Variants in LIG1 observed in about 807,000 individuals in gnomAD.
The protein encoded by LIG1 is ligase I, DNA, ATP-dependent.
Under a neutral mutation model 115.7 loss-of-function variants are expected in LIG1, and 70 were observed. The ratio of observed to expected loss-of-function variants is 0.60; its 90% CI spans 0.50 to 0.74. The LOEUF is 0.74. Among genes scored for constraint, LIG1 ranks in the 30% least tolerant of loss-of-function variants. LIG1 has a pLI of 0.00. For synonymous variants in LIG1, 487 were observed against 495.3 expected (o/e 0.98, Z 0.22); for missense variants, 1,115 against 1,225.6 (o/e 0.91, Z 1.35).
intron 1 of LIG1, among the ~76,000 whole-genome samples, chr19:48,168,260 C>T (rs2036583812): frequency 6.6e-6 from 1 of 152,180 alleles, no homozygotes; most frequent in African/African-American, 2.4e-5. Context: ...TGATCACATT[C>T]TCAAATACCC....
At chr19:48,150,861 G>C (rs568788268) in intron 7 of LIG1, among the ~76,000 whole-genome samples, 171 of 151,710 alleles carry the variant, frequency 1.1e-3, no homozygotes, top group African/African-American at 3.9e-3. Context: ...CCACACCCAG[G>C]TCATTTTTGT....
In LIG1 at chr19:48,134,028, A is replaced by G; in HGVS notation, c.1562T>C (p.Leu521Pro). 1 of 1,557,790 alleles carries G rather than the reference A, an allele frequency of 6.4e-7. No homozygotes were observed. The highest frequency in any genetic ancestry group is 8.7e-7 in the Non-Finnish European group (1 of 1,150,272). Reference sequence around the variant, plus strand: ...CGGGAGACGTTCCAGGCCGTGCTCCAGCAGCACGGGGATAATTCGGTCCAG... The same window carrying G: ...CGGGAGACGTTCCAGGCCGTGCTCCGGCAGCACGGGGATAATTCGGTCCAG... ...PDLDRIIPVL[L>P]EHGLERLPEH... Residue 521 changes from leucine to proline, a missense_variant, in exon 17 of 28, where the codon CTG (leucine) becomes CCG (proline). By Grantham distance (98) the Leu-to-Pro change is moderately conservative. Coordinates refer to ENST00000263274, the MANE Select transcript of LIG1 (RefSeq NM_000234.3).
chr19:48,123,365 T>C (rs558235828), intron 21 of LIG1, 47 bp from the exon 22 acceptor site: 1 of 1,599,244 alleles, frequency 6.3e-7, no homozygotes, highest in African/African-American at 1.3e-5. Flanking sequence ...TTTGTGAGAA[T>C]AAAGACAATA....
chr19:48,128,610 T>C (rs2033824265), intron 19 of LIG1, among the ~76,000 whole-genome samples: 1 of 152,186 alleles, frequency 6.6e-6, no homozygotes, highest in African/African-American at 2.4e-5. Flanking sequence ...TACTGGGCCT[T>C]TGCATGTGCC....
chr19:48,135,834 A>C, intron 15 of LIG1, 55 bp from the exon 16 acceptor site: 1 of 1,476,442 alleles, frequency 6.8e-7, no homozygotes, highest in Non-Finnish European at 9.5e-7. Context: ...TGGCTACACC[A>C]GGGTGCAGTG....
rs775032947 is a variant in LIG1, at chr19:48,117,601, C to G, written c.2583+37G>C. The G allele has an allele frequency of 7.0e-5, 112 of 1,607,164 alleles. 1 individual carries two copies. The highest frequency in any genetic ancestry group is 6.2e-4 in the Admixed American group (37 of 59,358). On this transcript the variant is annotated intron_variant, in intron 26 of 27. Transcript: ENST00000263274. ...TGCTCTCTGTGTGCCCGCCCAGAAT[C>G]CCACACAGGGCCACGGCCAGGTCCT...
Position 48,122,760 on chromosome 19 carries a change from G to A in LIG1, c.2232+174C>T, listed in dbSNP as rs2033380071. ...TCTCCATCAGAACTCGTGAGCAAGG[G>A]CTCGCAGCAGGGAGAAGGTCTGAAC... On this transcript the variant is annotated intron_variant, in intron 23 of 27. Transcript: ENST00000263274. This position sits in a 1 kb window ranked among gnomAD's most constrained non-coding sequence, Gnocchi z 4.3. 6.6e-6 allele frequency among the ~76,000 whole-genome samples: 1 copy of A among 152,176 alleles called. No homozygotes were observed. The highest frequency in any genetic ancestry group is 1.5e-5 in the Non-Finnish European group (1 of 68,036).
chr19:48,165,054 T>G (rs1349832307), intron 2 of LIG1, among the ~76,000 whole-genome samples: 1 of 151,912 alleles, frequency 6.6e-6, no homozygotes, highest in Non-Finnish European at 1.5e-5. Flanking sequence ...AGGTCAGGAG[T>G]TTGAGACCAG....
chr19:48,137,918 T>C lies in LIG1; in HGVS notation c.1088-230A>G. 1 of 609,910 alleles carries C rather than the reference T, an allele frequency of 1.6e-6. No homozygotes were observed. The highest frequency in any genetic ancestry group is 1.8e-5 in the South Asian group (1 of 54,706). The allele number at this position is 609,910 out of a possible 1,614,324, so 37.8% of individuals were successfully genotyped here. On this transcript the variant is annotated intron_variant, in intron 12 of 27. Transcript: ENST00000263274. The surrounding 1 kb of genome is among the most constrained non-coding windows in gnomAD (Gnocchi z 4.3). ...CATGCACGTGGAGCCAGGAAAGCGG[T>C]GGATGAACGAGCATGACCACACTCA...
intron 1 of LIG1, among the ~76,000 whole-genome samples, chr19:48,167,813 G>A (rs1415325563): frequency 5.6e-5 from 8 of 144,108 alleles, no homozygotes; most frequent in African/African-American, 1.6e-4. Context: ...GCGACAGAGC[G>A]AGACCCCGTC....
intron 8 of LIG1, 30 bp from the exon 9 acceptor site, chr19:48,149,871 T>C: frequency 1.2e-6 from 2 of 1,606,932 alleles, no homozygotes; most frequent in Non-Finnish European, 1.7e-6. Context: ...ACAGTGGGTC[T>C]TTTCTCCTTC....
In LIG1 at chr19:48,133,970, G is replaced by A; in HGVS notation, c.1609+11C>T. 3 of 1,551,640 alleles carry A rather than the reference G, an allele frequency of 1.9e-6. No individual in the cohort carries two copies. The highest frequency in any genetic ancestry group is 2.6e-6 in the Non-Finnish European group (3 of 1,146,650). On this transcript the variant is annotated intron_variant, in intron 17 of 27. Transcript: ENST00000263274. Reference sequence around the variant, plus strand: ...TGCTGCCAGGCTGGTGAGCGCCCCTGGGGCCTGTACCTGGGCTCAGCTTGC... The same window carrying A: ...TGCTGCCAGGCTGGTGAGCGCCCCTAGGGCCTGTACCTGGGCTCAGCTTGC...
intron 2 of LIG1, among the ~76,000 whole-genome samples, chr19:48,163,490 C>G (rs1482309283): frequency 6.6e-6 from 1 of 150,688 alleles, no homozygotes; most frequent in Non-Finnish European, 1.5e-5. Context: ...GCTGGGATTA[C>G]AGGTGTGAGC....
intron 2 of LIG1, among the ~76,000 whole-genome samples, chr19:48,162,723 C>T (rs567754202): frequency 1.3e-5 from 2 of 152,178 alleles, no homozygotes; most frequent in South Asian, 2.1e-4. Flanking sequence ...CCACCGCGCC[C>T]GGCCGCATCC....
chr19:48,150,351 G>A, intron 7 of LIG1, 141 bp from the exon 8 acceptor site: 1 of 1,309,006 alleles, frequency 7.6e-7, no homozygotes, highest in Non-Finnish European at 1.1e-6. Flanking sequence ...TGTTAGCTTT[G>A]AGCTGAGATC....
rs974070054 is a variant in LIG1 at position 48,134,050 on chromosome 19, C to A, written c.1540G>T (p.Asp514Tyr). 4 of 1,556,624 alleles carry A rather than the reference C, an allele frequency of 2.6e-6. No individual in the cohort carries two copies. Among genetic ancestry groups the A allele is most frequent in the South Asian group, 1.2e-5 (1 of 84,462 alleles). ...KQTFCEVPDL[D>Y]RIIPVLLEHG... The stretch of plus-strand genomic sequence containing the variant: ...TCCAGCAGCACGGGGATAATTCGGT[C>A]CAGGTCGGGAACCTCGCTGGGGTGG... Residue 514 changes from aspartate to tyrosine, a missense_variant, in exon 17 of 28, where the codon GAC becomes TAC. Transcript: ENST00000263274.
Position 48,143,537 on chromosome 19 carries a change from A to G in LIG1, c.914+6T>C. On this transcript the variant is annotated splice_donor_region_variant and intron_variant, in intron 11 of 27. Coordinates refer to ENST00000263274, the MANE Select transcript of LIG1 (RefSeq NM_000234.3). ...GCCCCCCACCCAGGCAGTCCTCATT[A>G]GTTACCGAGCAGACACCTCCTCGAT... 2 of 1,049,014 alleles carry G rather than the reference A, an allele frequency of 1.9e-6. No individual in the cohort carries two copies. Among genetic ancestry groups the G allele is most frequent in the Non-Finnish European group, 2.7e-6 (2 of 735,822 alleles). 65.0% of individuals were successfully genotyped at this position (1,049,014 alleles called of 1,614,324 possible). A position where few individuals can be genotyped will look rare whatever the true frequency, so the allele number is the denominator to read the frequency against.
chr19:48,131,934 CTTTTTT>C lies in LIG1; in HGVS notation c.1726-769_1726-764del, dbSNP rs34833018. ...TGATCCTGTGTCTGTTGGATCCACCCTTTTTTTTTTTTTTTTTTTAAAAGATGGAGT... is the reference window on the plus strand; with the variant it reads ...TGATCCTGTGTCTGTTGGATCCACCCTTTTTTTTTTTTTAAAAGATGGAGT... On this transcript the variant is annotated intron_variant, in intron 18 of 27. Transcript: ENST00000263274. Among the ~76,000 whole-genome samples, 435 of 131,886 alleles carry C rather than the reference CTTTTTT, an allele frequency of 3.3e-3. 7 individuals carry two copies. Among genetic ancestry groups the C allele is most frequent in the African/African-American group, 0.012 (408 of 34,164 alleles). The allele number at this position is 131,886 out of a possible 152,430, so 86.5% of individuals were successfully genotyped here.
chr19:48,157,248 G>A, intron 4 of LIG1, 108 bp from the exon 5 acceptor site: 1 of 1,285,144 alleles, frequency 7.8e-7, no homozygotes, highest in Non-Finnish European at 1.1e-6. Context: ...CCTCCTTTCT[G>A]ACCCTATGGT....
Sources: allele counts gnomAD v4.1 joint callset (sites outside exome capture counted in the v4.1 genomes callset), GRCh38; gene constraint gnomAD v4.1.1; non-coding constraint Gnocchi (gnomAD v3.1); transcripts MANE v1.5; gene names NCBI Gene and HGNC (gene_info 2026-07-23, HGNC 2026-07-21).